Variants in PDE8B observed in about 807,000 individuals in gnomAD.
The protein encoded by PDE8B is phosphodiesterase 8B, also known as high affinity cAMP-specific and IBMX-insensitive 3',5'-cyclic phosphodiesterase 8B.
Under a neutral mutation model 101.3 loss-of-function variants are expected in PDE8B, and 26 were observed. The observed-to-expected ratio is 0.26, with a 90% CI of 0.19 to 0.36. The LOEUF is 0.36. Ranked by LOEUF, PDE8B falls within the 10% of genes least tolerant of loss-of-function variation. The pLI is 1.00. For synonymous variants in PDE8B, 424 were observed against 429.3 expected, an observed-to-expected ratio of 0.99 and a Z score of 0.15; for missense variants, 810 against 1,163.1, an observed-to-expected ratio of 0.70 and a Z score of 4.42.
intron 10 of PDE8B, among the ~76,000 whole-genome samples, chr5:77,360,108 A>G (rs1782830389): frequency 6.6e-6 from 1 of 152,084 alleles, no homozygotes; most frequent in Non-Finnish European, 1.5e-5. Flanking sequence ...AAAAAAAGAA[A>G]GAAAAGTAAG....
chr5:77,361,810 G>A (rs1483947824), intron 10 of PDE8B, among the ~76,000 whole-genome samples: 1 of 152,080 alleles, frequency 6.6e-6, no homozygotes, highest in African/African-American at 2.4e-5. Context: ...CACTGTGCCT[G>A]GCCCTCATCT....
chr5:77,381,356 G>A (rs999760498), intron 10 of PDE8B, among the ~76,000 whole-genome samples: 4 of 152,312 alleles, frequency 2.6e-5, no homozygotes, highest in Admixed American at 2.6e-4. Context: ...CTGGGGAGGA[G>A]AGAGAAGGAA....
chr5:77,405,857 T>C (rs1409183722), intron 12 of PDE8B, among the ~76,000 whole-genome samples: 3 of 152,150 alleles, frequency 2.0e-5, no homozygotes, highest in African/African-American at 7.2e-5. Context: ...GGACACGTTC[T>C]GGGGTGTGAG....
At chr5:77,244,119 C>T (rs947221211) in intron 1 of PDE8B, among the ~76,000 whole-genome samples, 4 of 152,112 alleles carry the variant, frequency 2.6e-5, no homozygotes, top group African/African-American at 9.6e-5. Flanking sequence ...CAAGCCAAGC[C>T]ATGATAGGAC....
chr5:77,148,752 GT>G, the PDE8B span, among the ~76,000 whole-genome samples: 1 of 152,102 alleles, frequency 6.6e-6, no homozygotes, highest in Non-Finnish European at 1.5e-5. Context: ...AGTTGTAAGA[GT>G]TTTTTCTTTA....
intron 1 of PDE8B, among the ~76,000 whole-genome samples, chr5:77,269,345 G>C (rs1762335482): frequency 6.6e-6 from 1 of 152,068 alleles, no homozygotes; most frequent in Non-Finnish European, 1.5e-5. Flanking sequence ...CTATAGAGTT[G>C]TTTGAGCTCC....
intron 18 of PDE8B, among the ~76,000 whole-genome samples, chr5:77,418,722 C>T (rs1194454685): frequency 6.6e-6 from 1 of 152,110 alleles, no homozygotes; most frequent in African/African-American, 2.4e-5. Flanking sequence ...ATATTTTTAC[C>T]CTCCTACGAG....
At chr5:77,411,958 A>AT in intron 15 of PDE8B, 142 bp from the exon 16 acceptor site, 1 of 850,338 alleles carries the variant, frequency 1.2e-6, no homozygotes, top group South Asian at 1.4e-5. Flanking sequence ...TTATTTTTCT[A>AT]TTTGAGGGTC....
At chr5:77,116,224 ATTTTTTT>A in the PDE8B span, among the ~76,000 whole-genome samples, 2,967 of 59,330 alleles carry the variant, frequency 0.05, 66 homozygotes, top group African/African-American at 0.15. Flanking sequence ...ATATATATAT[ATTTTTTT>A]TTTTTTTTTT....
intron 1 of PDE8B, among the ~76,000 whole-genome samples, chr5:77,273,641 C>A (rs768665400): frequency 6.6e-6 from 1 of 152,002 alleles, no homozygotes; most frequent in African/African-American, 2.4e-5. Flanking sequence ...AGCTTTGAGG[C>A]AAAGGCAGTG....
At chr5:77,317,122 G>C (rs967320292) in intron 2 of PDE8B, among the ~76,000 whole-genome samples, 2 of 152,178 alleles carry the variant, frequency 1.3e-5, no homozygotes, top group Non-Finnish European at 2.9e-5. Flanking sequence ...CCTGACCACA[G>C]AGAGAGGTCT....
intron 10 of PDE8B, among the ~76,000 whole-genome samples, chr5:77,377,576 G>A (rs1052860330): frequency 6.6e-6 from 1 of 152,172 alleles, no homozygotes; most frequent in Non-Finnish European, 1.5e-5. Context: ...AACTTGACTA[G>A]CTTAAAAAAG....
intron 1 of PDE8B, among the ~76,000 whole-genome samples, chr5:77,219,184 C>T (rs1750520689): frequency 1.3e-5 from 2 of 152,164 alleles, no homozygotes; most frequent in African/African-American, 4.8e-5. Context: ...AGCCTGAAGC[C>T]TCAGTCTCTA....
At chr5:77,133,378 A>G in the PDE8B span, among the ~76,000 whole-genome samples, 1 of 152,244 alleles carries the variant, frequency 6.6e-6, no homozygotes, top group Non-Finnish European at 1.5e-5. Context: ...TGATTCATAG[A>G]TCAATGACAA....
At chr5:77,349,266 T>C (rs1462894536) in intron 7 of PDE8B, among the ~76,000 whole-genome samples, 153 bp from the exon 8 acceptor site, 1 of 152,190 alleles carries the variant, frequency 6.6e-6, no homozygotes, top group East Asian at 1.9e-4. Context: ...CAGCAGGACC[T>C]GGCCAGCTAA....
At chr5:77,399,984 A>G (rs1192338071) in intron 10 of PDE8B, among the ~76,000 whole-genome samples, 2 of 152,190 alleles carry the variant, frequency 1.3e-5, no homozygotes, top group African/African-American at 4.8e-5. Context: ...AGCTGACTGG[A>G]GAAGTAGATG....
At chr5:77,375,885 A>ATTTT (rs1554092500) in intron 10 of PDE8B, among the ~76,000 whole-genome samples, 1 of 89,848 alleles carries the variant, frequency 1.1e-5, no homozygotes, top group African/African-American at 4.5e-5. Context: ...TTGTGCCTTG[A>ATTTT]TTTCTTTTTT....
chr5:77,319,562 T>C (rs1353261229), intron 2 of PDE8B, among the ~76,000 whole-genome samples: 4 of 152,134 alleles, frequency 2.6e-5, no homozygotes, highest in Non-Finnish European at 5.9e-5. Flanking sequence ...TGAATGTAAA[T>C]GGACTTAGAG....
the PDE8B span, among the ~76,000 whole-genome samples, chr5:77,188,824 G>C: frequency 1.3e-5 from 2 of 152,152 alleles, no homozygotes; most frequent in African/African-American, 4.8e-5. Context: ...TGACCTGAAG[G>C]CTTAGAGAAT....
Sources: allele counts gnomAD v4.1 joint callset (sites outside exome capture counted in the v4.1 genomes callset), GRCh38; gene constraint gnomAD v4.1.1; transcripts MANE v1.5; gene names NCBI Gene and HGNC (gene_info 2026-07-23, HGNC 2026-07-21).